Variants in ASIC2 observed in about 807,000 individuals in gnomAD.
ASIC2 encodes the protein acid-sensing ion channel 2.
In ASIC2, 25 loss-of-function variants were observed where a neutral mutation model predicts 57.3. The ratio of observed to expected loss-of-function variants is 0.44; its 90% CI spans 0.32 to 0.61. The LOEUF is 0.61. Among genes scored for constraint, ASIC2 ranks in the 20% least tolerant of loss-of-function variants. The probability of loss-of-function intolerance (pLI) is 0.06; values close to 1 mark genes in which losing one functional copy is unlikely to be tolerated. For missense variants in ASIC2, 641 were observed against 738.1 expected (o/e 0.87, Z 1.52); for synonymous variants, 319 against 307.5 (o/e 1.04, Z -0.39).
At chr17:33,381,012 G>A (rs558834626) in intron 1 of ASIC2, among the ~76,000 whole-genome samples, 1 of 152,188 alleles carries the variant, frequency 6.6e-6, no homozygotes, top group African/African-American at 2.4e-5. Context: ...TTTTAAAGAA[G>A]AGCTGGAATC....
At chr17:33,376,870 T>C (rs1909296869) in intron 1 of ASIC2, among the ~76,000 whole-genome samples, 1 of 152,212 alleles carries the variant, frequency 6.6e-6, no homozygotes, top group African/African-American at 2.4e-5. Flanking sequence ...GGCACTCTTC[T>C]ACATATTCTA....
chr17:33,996,419 C>A (rs1222491461), intron 1 of ASIC2, among the ~76,000 whole-genome samples: 3 of 152,154 alleles, frequency 2.0e-5, no homozygotes, highest in Non-Finnish European at 4.4e-5. Flanking sequence ...CCAAAAAAGT[C>A]ATTGCCTAGG....
intron 3 of ASIC2, among the ~76,000 whole-genome samples, chr17:33,046,196 G>A (rs1275824377): frequency 1.3e-5 from 2 of 152,222 alleles, no homozygotes; most frequent in Non-Finnish European, 2.9e-5. Context: ...TCCTGGATGA[G>A]TGACAAGGGC....
chr17:33,615,983 T>G (rs1247061972), intron 1 of ASIC2, among the ~76,000 whole-genome samples: 8 of 152,194 alleles, frequency 5.3e-5, no homozygotes, highest in Non-Finnish European at 8.8e-5. Flanking sequence ...CAAAAGAGAT[T>G]AGCAGTGTAC....
intron 1 of ASIC2, among the ~76,000 whole-genome samples, chr17:33,837,149 C>T (rs777107911): frequency 3.9e-5 from 6 of 152,162 alleles, no homozygotes; most frequent in Non-Finnish European, 8.8e-5. Flanking sequence ...GATGTCAAGT[C>T]TTCTGATAAG....
chr17:34,048,087 G>A (rs911739423), intron 1 of ASIC2, among the ~76,000 whole-genome samples: 8 of 152,234 alleles, frequency 5.3e-5, no homozygotes, highest in East Asian at 1.9e-4. Context: ...TCTAGTGAAC[G>A]GAAGCCCATC....
At chr17:33,856,121 T>C (rs555078067) in intron 1 of ASIC2, among the ~76,000 whole-genome samples, 1 of 152,260 alleles carries the variant, frequency 6.6e-6, no homozygotes, top group East Asian at 1.9e-4. Context: ...CACAAGGCAC[T>C]GTACACAGAG....
At chr17:34,057,182 G>C (rs1294294731) in intron 1 of ASIC2, among the ~76,000 whole-genome samples, 1 of 152,116 alleles carries the variant, frequency 6.6e-6, no homozygotes, top group African/African-American at 2.4e-5. Flanking sequence ...TTTACACATA[G>C]AGACATGTAA....
At chr17:33,297,956 CTT>C (rs35388631), upstream of ASIC2, among the ~76,000 whole-genome samples, 5,080 of 136,770 alleles carry the variant, frequency 0.037, 287 homozygotes, top group African/African-American at 0.13. Context: ...CTTTCTCTGC[CTT>C]TTTTTTTTTT....
intron 2 of ASIC2, among the ~76,000 whole-genome samples, chr17:33,092,059 C>A (rs1450555970): frequency 6.6e-6 from 1 of 152,204 alleles, no homozygotes; most frequent in African/African-American, 2.4e-5. Flanking sequence ...GACGAGAACT[C>A]CGCCATCTTG....
intron 1 of ASIC2, among the ~76,000 whole-genome samples, chr17:33,910,494 A>G (rs941036089): frequency 6.6e-6 from 1 of 152,160 alleles, no homozygotes; most frequent in Non-Finnish European, 1.5e-5. Context: ...TTCCATCGAG[A>G]TGATGGAAAC....
intron 1 of ASIC2, among the ~76,000 whole-genome samples, chr17:33,362,031 G>A (rs1447916646): frequency 1.3e-5 from 2 of 152,168 alleles, no homozygotes; most frequent in Non-Finnish European, 2.9e-5. Context: ...ACTAGTTTCT[G>A]CTGTGTGTTA....
chr17:33,489,927 G>C (rs540073157), intron 1 of ASIC2, among the ~76,000 whole-genome samples: 5 of 152,266 alleles, frequency 3.3e-5, no homozygotes, highest in Non-Finnish European at 7.4e-5. Context: ...ATAAGAACGC[G>C]AGCCCACTTT....
chr17:33,888,086 T>C (rs1197830685), intron 1 of ASIC2, among the ~76,000 whole-genome samples: 1 of 152,132 alleles, frequency 6.6e-6, no homozygotes, highest in Non-Finnish European at 1.5e-5. Context: ...ATTTTTTACT[T>C]ACAATATTTT....
intron 1 of ASIC2, among the ~76,000 whole-genome samples, chr17:33,225,766 A>G (rs1326474197): frequency 6.6e-6 from 1 of 152,204 alleles, no homozygotes; most frequent in Non-Finnish European, 1.5e-5. Context: ...AACACTGGCC[A>G]TAGTCTTTGG....
At chr17:33,423,130 C>T (rs1186402859) in intron 1 of ASIC2, among the ~76,000 whole-genome samples, 1 of 152,132 alleles carries the variant, frequency 6.6e-6, no homozygotes, top group South Asian at 2.1e-4. Flanking sequence ...ATGTTGGCCT[C>T]GGTCATGGCC....
intron 3 of ASIC2, among the ~76,000 whole-genome samples, chr17:33,042,661 G>C (rs2091934228): frequency 6.6e-6 from 1 of 152,176 alleles, no homozygotes; most frequent in Non-Finnish European, 1.5e-5. Flanking sequence ...GGTCACATTG[G>C]ACAGTAGGTG....
intron 1 of ASIC2, among the ~76,000 whole-genome samples, chr17:33,168,379 T>C (rs767579593): frequency 6.6e-6 from 1 of 152,196 alleles, no homozygotes; most frequent in Non-Finnish European, 1.5e-5. Flanking sequence ...AAAGCCTGTA[T>C]TGCTATAAAA....
intron 1 of ASIC2, among the ~76,000 whole-genome samples, chr17:33,128,004 C>G (rs905427814): frequency 6.6e-6 from 1 of 152,350 alleles, no homozygotes; most frequent in East Asian, 1.9e-4. Flanking sequence ...AAGACACCAT[C>G]CTACTTCATA....
Sources: gnomAD v4.1 joint callset for allele counts (sites outside exome capture counted in the v4.1 genomes callset) on GRCh38, gnomAD v4.1.1 for gene constraint, MANE v1.5 for transcripts, NCBI Gene and HGNC (gene_info 2026-07-23, HGNC 2026-07-21) for gene names.